The following CEP63 variants were observed in gnomAD, a reference collection of about 807,000 sequenced individuals.
CEP63 encodes the protein centrosomal protein 63, also known as centrosomal protein of 63 kDa.
In CEP63, 84 loss-of-function variants were observed where a neutral mutation model predicts 89.1. The ratio of observed to expected loss-of-function variants is 0.94; its 90% CI spans 0.79 to 1.13. The LOEUF (loss-of-function observed/expected upper bound fraction) is 1.13, where lower values mean the gene tolerates loss of function less well. Ranked by LOEUF, CEP63 falls within the 50% of genes most tolerant of loss-of-function variation. The pLI, the probability that CEP63 is intolerant of heterozygous loss-of-function variation, is 0.00. For synonymous variants in CEP63, 267 were observed against 272.5 expected, an observed-to-expected ratio of 0.98 and a Z score of 0.20; for missense variants, 838 against 813.3, an observed-to-expected ratio of 1.03 and a Z score of -0.37.
chr3:134,629,281 A>G, the CEP63 span: 1 of 265,408 alleles, frequency 3.8e-6, no homozygotes, highest in Non-Finnish European at 7.4e-6. Flanking sequence ...TAAAAAGTTA[A>G]TAAATGTTAA....
chr3:134,592,469 G>GGTGTGTGGGTGTGTGTGT (rs1958615991), downstream of CEP63, among the ~76,000 whole-genome samples: 1 of 125,108 alleles, frequency 8.0e-6, no homozygotes, highest in African/African-American at 3.0e-5. Flanking sequence ...TCTGCAAACT[G>GGTGTGTGGGTGTGTGTGT]GTGTGTGTGT....
chr3:134,762,234 G>A, the CEP63 span, among the ~76,000 whole-genome samples: 4 of 152,130 alleles, frequency 2.6e-5, no homozygotes, highest in Non-Finnish European at 4.4e-5. Context: ...GGAAAAGTGC[G>A]TGTCTTCCTA....
At chr3:134,521,418 A>G (rs748254071) in intron 3 of CEP63, among the ~76,000 whole-genome samples, 28 of 130,772 alleles carry the variant, frequency 2.1e-4, no homozygotes, top group Non-Finnish European at 1.9e-4. Context: ...CATTTTGTGT[A>G]TTTTTTCCCA....
the CEP63 span, among the ~76,000 whole-genome samples, chr3:134,728,684 G>C: frequency 6.6e-6 from 1 of 152,114 alleles, no homozygotes; most frequent in Non-Finnish European, 1.5e-5. Flanking sequence ...AACAGAAGTT[G>C]CAAAGGATGC....
At chr3:134,753,568 A>G in the CEP63 span, among the ~76,000 whole-genome samples, 5 of 152,346 alleles carry the variant, frequency 3.3e-5, no homozygotes, top group Non-Finnish European at 5.9e-5. Flanking sequence ...AAGACAAGCA[A>G]GCACCTCATG....
At chr3:134,667,472 T>C in the CEP63 span, among the ~76,000 whole-genome samples, 1 of 152,144 alleles carries the variant, frequency 6.6e-6, no homozygotes, top group East Asian at 1.9e-4. Context: ...CTGGGTTGTT[T>C]CCAGAAAAAG....
At chr3:134,679,426 C>G in the CEP63 span, among the ~76,000 whole-genome samples, 1 of 152,280 alleles carries the variant, frequency 6.6e-6, no homozygotes, top group Non-Finnish European at 1.5e-5. Flanking sequence ...ATCATGCAGG[C>G]AGTGGGTGGC....
At chr3:134,639,167 T>C in the CEP63 span, among the ~76,000 whole-genome samples, 5 of 150,762 alleles carry the variant, frequency 3.3e-5, no homozygotes, top group Admixed American at 6.6e-5. Flanking sequence ...CCTGGTTAGA[T>C]ATTCAACAGA....
the CEP63 span, chr3:134,629,460 C>A: frequency 1.7e-6 from 1 of 590,722 alleles, no homozygotes; most frequent in East Asian, 2.8e-5. Context: ...AGAAAAGAGT[C>A]TCCCAGGATA....
At chr3:134,540,117 CTCTCTA>C (rs1403980150) in intron 6 of CEP63, among the ~76,000 whole-genome samples, 1 of 152,148 alleles carries the variant, frequency 6.6e-6, no homozygotes, top group Non-Finnish European at 1.5e-5. Context: ...TCATCTTACT[CTCTCTA>C]TATTTGTGTA....
chr3:134,504,549 C>T (rs1015038488), intron 2 of CEP63, among the ~76,000 whole-genome samples: 5 of 152,134 alleles, frequency 3.3e-5, no homozygotes, highest in African/African-American at 4.8e-5. Flanking sequence ...TTGTCTTTGA[C>T]TTTTGACAGT....
the CEP63 span, among the ~76,000 whole-genome samples, chr3:134,755,446 T>A: frequency 6.6e-6 from 1 of 152,328 alleles, no homozygotes; most frequent in Admixed American, 6.5e-5. Flanking sequence ...CCACATTATA[T>A]GCACAGGGCA....
At chr3:134,621,564 C>T in the CEP63 span, among the ~76,000 whole-genome samples, 1 of 152,168 alleles carries the variant, frequency 6.6e-6, no homozygotes, top group African/African-American at 2.4e-5. Flanking sequence ...ACAAAAACAA[C>T]TCAAAATGGA....
At chr3:134,606,546 A>G in the CEP63 span, among the ~76,000 whole-genome samples, 1 of 152,024 alleles carries the variant, frequency 6.6e-6, no homozygotes, top group South Asian at 2.1e-4. Flanking sequence ...CTTCTCTCCT[A>G]GCCCTGGCTG....
Position 134,559,360 on chromosome 3 carries a change from T to A in CEP63, c.1884T>A (p.Asp628Glu). The A allele has an allele frequency of 6.2e-7, 1 of 1,614,156 alleles. No individual in the cohort carries two copies. The highest frequency in any genetic ancestry group is 1.1e-5 in the South Asian group (1 of 91,088). ...CTCATTCTTTGCCTTCAGCGCTAGA[T>A]ACAAATGAAGCCAATTTTTCTGACA... ...CKTHSLPSAL[D>E]TNEANFSDTM... Residue 628 changes from aspartate (D) to glutamate (E), a missense_variant, in exon 14 of 15, where the codon GAT becomes GAA. By Grantham distance (45) the Asp-to-Glu change is conservative. Transcript: ENST00000675561.
chr3:134,736,165 T>A, the CEP63 span, among the ~76,000 whole-genome samples: 95 of 152,276 alleles, frequency 6.2e-4, no homozygotes, highest in Non-Finnish European at 1.2e-3. Context: ...AAACATATAA[T>A]CATCATGCGT....
the CEP63 span, among the ~76,000 whole-genome samples, chr3:134,671,838 G>A: frequency 2.0e-5 from 3 of 152,148 alleles, no homozygotes; most frequent in Non-Finnish European, 2.9e-5. Flanking sequence ...GGACATTTTA[G>A]TTGGTGGCGA....
At chr3:134,671,983 C>T in the CEP63 span, among the ~76,000 whole-genome samples, 1 of 152,100 alleles carries the variant, frequency 6.6e-6, no homozygotes, top group Non-Finnish European at 1.5e-5. Flanking sequence ...CCAGAGCTGT[C>T]CTCCAGAAAC....
chr3:134,581,123 A>C (rs925556005), intron 10 of CEP63, among the ~76,000 whole-genome samples: 1 of 152,196 alleles, frequency 6.6e-6, no homozygotes. Context: ...TAATTCTCCC[A>C]TAGACCTTCC....
Sources: gnomAD v4.1 joint callset for allele counts (sites outside exome capture counted in the v4.1 genomes callset) on GRCh38, gnomAD v4.1.1 for gene constraint, MANE v1.5 for transcripts, NCBI Gene and HGNC (gene_info 2026-07-23, HGNC 2026-07-21) for gene names.